ROPN1L: variants seen among roughly 807,000 people sequenced by gnomAD.
ROPN1L encodes the protein ropporin-1-like protein.
ROPN1L carries 23 observed loss-of-function variants against 22.7 expected under a neutral mutation model. The ratio of observed to expected loss-of-function variants is 1.01; its 90% CI spans 0.73 to 1.43. The LOEUF is 1.43. ROPN1L is among the 40% of genes most tolerant of loss of function. ROPN1L has a pLI of 0.00. For synonymous variants in ROPN1L, 116 were observed against 117.8 expected (o/e 0.98, Z 0.10); for missense variants, 271 against 291.5 (o/e 0.93, Z 0.51).
At chr5:10,446,071 G>T (rs185446301) in intron 1 of ROPN1L, among the ~76,000 whole-genome samples, 7 of 152,336 alleles carry the variant, frequency 4.6e-5, no homozygotes, top group Non-Finnish European at 8.8e-5. Flanking sequence ...CACTGTGAGG[G>T]GAGTCGGCTG....
intron 3 of ROPN1L, 90 bp downstream of exon 3, chr5:10,450,203 C>T (rs774120545): frequency 2.9e-6 from 3 of 1,034,824 alleles, no homozygotes; most frequent in Non-Finnish European, 4.1e-6. Context: ...AAAGGAAACA[C>T]TTTAGTAACT....
Position 10,461,194 on chromosome 5 carries a change from C to G in ROPN1L, c.428C>G (p.Thr143Ser), listed in dbSNP as rs1400872643. ...GCSMLGGSLN[T>S]ALKHLCEILT... is the part of the protein sequence containing the mutation. ...CTGTGGTGCTCCCAGTCCTTGAACA[C>G]TGCGCTGAAGCACCTGTGCGAGATC... is the stretch of plus-strand genomic sequence containing the variant. Residue 143 changes from threonine to serine, a missense_variant, in exon 4 of 5, where the codon ACT (threonine) becomes AGT (serine). By Grantham distance (58) the Thr-to-Ser change is moderately conservative. Coordinates refer to ENST00000274134, the MANE Select transcript of ROPN1L (RefSeq NM_031916.5). 1.9e-6 allele frequency: 3 copies of G among 1,613,380 alleles called. No individual in the cohort carries two copies. Among genetic ancestry groups the G allele is most frequent in the Non-Finnish European group, 2.5e-6 (3 of 1,179,812 alleles).
intron 3 of ROPN1L, among the ~76,000 whole-genome samples, chr5:10,460,027 T>C (rs988003015): frequency 6.6e-6 from 1 of 152,122 alleles, no homozygotes; most frequent in Non-Finnish European, 1.5e-5. Flanking sequence ...AGGTATGAGA[T>C]AGCCACTCTG....
At chr5:10,455,971 T>G (rs1235685866) in intron 3 of ROPN1L, among the ~76,000 whole-genome samples, 1 of 151,444 alleles carries the variant, frequency 6.6e-6, no homozygotes, top group Non-Finnish European at 1.5e-5. Context: ...CGGGCCTATT[T>G]TCATTTCCAT....
chr5:10,469,465 C>T (rs543424905), downstream of ROPN1L, among the ~76,000 whole-genome samples: 7 of 152,050 alleles, frequency 4.6e-5, no homozygotes, highest in South Asian at 4.1e-4. Context: ...CCAGCCTGGG[C>T]GATAGAGTGA....
In ROPN1L at chr5:10,448,398, A is replaced by G. The variant is rs1579643927; in HGVS notation, c.255+15A>G. Reference sequence around the variant, plus strand: ...TGCACAAGCAGGTATGGGGGGGCGTAGTCTCTGGCCTCAGGCAGCTGGCCT... The same window carrying G: ...TGCACAAGCAGGTATGGGGGGGCGTGGTCTCTGGCCTCAGGCAGCTGGCCT... On this transcript the variant is annotated intron_variant, in intron 2 of 4. Coordinates refer to ENST00000274134, the MANE Select transcript of ROPN1L (RefSeq NM_031916.5). The G allele has an allele frequency of 1.2e-6, 2 of 1,613,882 alleles. No homozygotes were observed. Among genetic ancestry groups the G allele is most frequent in the Non-Finnish European group, 1.7e-6 (2 of 1,179,962 alleles).
the ROPN1L span, among the ~76,000 whole-genome samples, chr5:10,478,624 C>T: frequency 2.0e-5 from 3 of 152,110 alleles, no homozygotes; most frequent in Non-Finnish European, 4.4e-5. Context: ...CCTCTCCTCT[C>T]GTAAAGGGCA....
intron 1 of ROPN1L, among the ~76,000 whole-genome samples, chr5:10,444,501 G>A (rs995332744): frequency 1.3e-4 from 20 of 151,734 alleles, no homozygotes; most frequent in South Asian, 6.3e-4. Flanking sequence ...ATGTTGGCCA[G>A]GCTAGTCTCG....
chr5:10,478,349 A>G, the ROPN1L span, among the ~76,000 whole-genome samples: 3 of 152,136 alleles, frequency 2.0e-5, no homozygotes, highest in Non-Finnish European at 4.4e-5. Flanking sequence ...GCCCCGACAA[A>G]GTATCACAAA....
At chr5:10,463,452 G>T (rs1387594990) in intron 4 of ROPN1L, among the ~76,000 whole-genome samples, 1 of 152,172 alleles carries the variant, frequency 6.6e-6, no homozygotes. Flanking sequence ...CTGTGGTGCT[G>T]CAGAGTAAGC....
chr5:10,480,094 G>A, the ROPN1L span, among the ~76,000 whole-genome samples: 1 of 152,204 alleles, frequency 6.6e-6, no homozygotes, highest in Admixed American at 6.5e-5. Flanking sequence ...ACCCATGTCT[G>A]AGCATGGGAG....
chr5:10,463,873 GC>G (rs1483306095), intron 4 of ROPN1L, among the ~76,000 whole-genome samples: 1 of 152,184 alleles, frequency 6.6e-6, no homozygotes, highest in Non-Finnish European at 1.5e-5. Context: ...TTCTGGCACA[GC>G]ACACACCCCT....
chr5:10,473,545 C>A (rs1295868852), downstream of ROPN1L, among the ~76,000 whole-genome samples: 1 of 152,226 alleles, frequency 6.6e-6, no homozygotes, highest in African/African-American at 2.4e-5. Context: ...GTCCCCAGAA[C>A]TGTGAGACAA....
At position 10,444,286 on chromosome 5, in the gene ROPN1L, GTTTA is replaced by G. The variant is rs531122536; in HGVS notation, c.131+2004_131+2007del. 2.8e-3 allele frequency among the ~76,000 whole-genome samples: 427 copies of G among 152,098 alleles called. 1 individual carries two copies. Among genetic ancestry groups the G allele is most frequent in the African/African-American group, 9.2e-3 (384 of 41,520 alleles). On this transcript the variant is annotated intron_variant, in intron 1 of 4. Coordinates refer to ENST00000274134, the MANE Select transcript of ROPN1L (RefSeq NM_031916.5). ...AGATAGTTATGTTAAGCTTCACTTT[GTTTA>G]TTTATTTATTTATTTTTGAGACGGA...
At chr5:10,474,580 G>A (rs540649593), downstream of ROPN1L, among the ~76,000 whole-genome samples, 1 of 152,366 alleles carries the variant, frequency 6.6e-6, no homozygotes, top group East Asian at 1.9e-4. Context: ...GGATGAGTTG[G>A]AAGCGAACCT....
downstream of ROPN1L, among the ~76,000 whole-genome samples, chr5:10,473,553 C>T (rs1735279618): frequency 1.3e-5 from 2 of 152,180 alleles, no homozygotes; most frequent in African/African-American, 4.8e-5. Context: ...AACTGTGAGA[C>T]AAGAAATTGT....
At position 10,442,286 on chromosome 5, in the gene ROPN1L, G is replaced by C. The variant is rs1205718057; in HGVS notation, c.119G>C (p.Arg40Pro). The part of the protein sequence containing the change: ...AIRTQPADVL[R>P]WSAGYFSALS... ...CGCACCCAGCCGGCCGACGTGCTGCGGTGGTCCGCGGGGTAAGCGCCCTTG... is the reference window on the plus strand; with the variant it reads ...CGCACCCAGCCGGCCGACGTGCTGCCGTGGTCCGCGGGGTAAGCGCCCTTG... Residue 40 changes from arginine (R) to proline (P), a missense_variant, in exon 1 of 5, where the codon CGG (arginine) becomes CCG (proline). By Grantham distance (103) the Arg-to-Pro change is moderately radical. Transcript: ENST00000274134. 1 of 1,613,252 alleles carries C rather than the reference G, an allele frequency of 6.2e-7. No homozygotes were observed. Among genetic ancestry groups the C allele is most frequent in the Non-Finnish European group, 8.5e-7 (1 of 1,179,840 alleles).
intron 1 of ROPN1L, 86 bp from the exon 2 acceptor site, chr5:10,448,171 CGTT>C (rs1472772095): frequency 1.4e-6 from 2 of 1,478,404 alleles, no homozygotes; most frequent in African/African-American, 2.8e-5. Context: ...TCCTAATCAC[CGTT>C]GTTTTGGGGG....
At chr5:10,463,046 G>A (rs1416153173) in intron 4 of ROPN1L, among the ~76,000 whole-genome samples, 1 of 152,188 alleles carries the variant, frequency 6.6e-6, no homozygotes, top group African/African-American at 2.4e-5. Context: ...ACTTGAGGAT[G>A]TCATTGACAT....
Sources: gnomAD v4.1 joint callset for allele counts (sites outside exome capture counted in the v4.1 genomes callset) on GRCh38, gnomAD v4.1.1 for gene constraint, MANE v1.5 for transcripts, NCBI Gene and HGNC (gene_info 2026-07-23, HGNC 2026-07-21) for gene names.